BOP1: variants seen among roughly 807,000 people sequenced by gnomAD.
The protein encoded by BOP1 is BOP1 ribosomal biogenesis factor.
BOP1 carries 54 observed loss-of-function variants against 82.9 expected under a neutral mutation model. The observed-to-expected ratio is 0.65, with a 90% CI of 0.52 to 0.82. The LOEUF (loss-of-function observed/expected upper bound fraction) is 0.82. BOP1 is among the 40% of genes least tolerant of loss of function. BOP1 has a pLI of 0.00. For synonymous variants in BOP1, 566 were observed against 451.1 expected (o/e 1.25, Z -3.23); for missense variants, 1,170 against 1,072.0 (o/e 1.09, Z -1.28).
chr8:144,286,935 G>C lies in BOP1; in HGVS notation c.309+2160C>G, dbSNP rs77074959. 6.2e-4 allele frequency among the ~76,000 whole-genome samples: 94 copies of C among 152,360 alleles called. 1 individual carries two copies. The highest frequency in any genetic ancestry group is 2.3e-3 in the East Asian group (12 of 5,184). On this transcript the variant is annotated intron_variant, in intron 2 of 15. Transcript: ENST00000569669. ...GGGGCCAGGAGACAAGCAGCGAGAAGAGAAGATGGCGCCTCCCTAGACTCC... is the reference window on the plus strand; with the variant it reads ...GGGGCCAGGAGACAAGCAGCGAGAACAGAAGATGGCGCCTCCCTAGACTCC...
Position 144,274,558 on chromosome 8 carries a change from G to C in BOP1, c.390+1666C>G, listed in dbSNP as rs1369103897. Among the ~76,000 whole-genome samples the C allele has an allele frequency of 2.6e-5, 4 of 152,248 alleles. No homozygotes were observed. In the East Asian group the frequency reaches 7.7e-4, roughly 29 times the overall value. On this transcript the variant is annotated intron_variant, in intron 3 of 15. Coordinates refer to ENST00000569669, the MANE Select transcript of BOP1 (RefSeq NM_015201.5). ...GGGCCTGGCCTGGCTCCTGAAAGCT[G>C]AGCTCTGCCGCCCCCTCGAGCCACT...
At chr8:144,281,033 A>ATACCAGGTCTTCGGCCTTTTCTCACTTTC (rs1845664992) in intron 2 of BOP1, among the ~76,000 whole-genome samples, 16 of 52,676 alleles carry the variant, frequency 3.0e-4, no homozygotes, top group African/African-American at 1.2e-3. Context: ...CTCTCACTTT[A>ATACCAGGTCTTCGGCCTTTTCTCACTTTC]ATACCAGGTC....
At position 144,262,333 on chromosome 8, in the gene BOP1, G is replaced by C; in HGVS notation, c.2088-16C>G. On this transcript the variant is annotated splice_polypyrimidine_tract_variant and intron_variant, in intron 15 of 15. Coordinates refer to ENST00000569669, the MANE Select transcript of BOP1 (RefSeq NM_015201.5). ...CAGAAGGTCACTGTGGGGACGAGGA[G>C]GGCTCAGGGCACGGCCAGACACCAC... 6.2e-7 allele frequency: 1 copy of C among 1,612,786 alleles called. No homozygotes were observed. Among genetic ancestry groups the C allele is most frequent in the Non-Finnish European group, 8.5e-7 (1 of 1,179,800 alleles).
rs1313731728 is a variant in BOP1 at position 144,264,286 on chromosome 8, G to A, written c.917C>T (p.Ala306Val). Reference protein sequence around the residue: ...HKMHVPAPKLALPGHAESYNP... With the variant: ...HKMHVPAPKLVLPGHAESYNP... ...GTACGACTCGGCGTGGCCTGGCAGG[G>A]CCAGCTTGGGAGCAGGTACGTGCAT... Residue 306 changes from alanine (A) to valine (V), a missense_variant, in exon 7 of 16, where the codon GCC becomes GTC. Coordinates refer to ENST00000569669, the MANE Select transcript of BOP1 (RefSeq NM_015201.5). 6.2e-7 allele frequency: 1 copy of A among 1,610,970 alleles called. No homozygotes were observed. Among genetic ancestry groups the A allele is most frequent in the African/African-American group, 1.3e-5 (1 of 74,892 alleles).
At chr8:144,263,785 A>G in intron 9 of BOP1, 24 bp from the exon 10 acceptor site, 2 of 1,602,552 alleles carry the variant, frequency 1.2e-6, no homozygotes, top group East Asian at 4.5e-5. Flanking sequence ...GGCAGTGAGG[A>G]GTCAGACTGG....
chr8:144,275,565 T>C (rs768460044), intron 3 of BOP1, among the ~76,000 whole-genome samples: 89 of 151,646 alleles, frequency 5.9e-4, no homozygotes, highest in Non-Finnish European at 9.9e-4. Context: ...GCAGCACGCA[T>C]CCCCCTTCGC....
At chr8:144,283,882 C>G (rs1814786490) in intron 2 of BOP1, among the ~76,000 whole-genome samples, 1 of 152,150 alleles carries the variant, frequency 6.6e-6, no homozygotes, top group South Asian at 2.1e-4. Context: ...CTTCAGGAGG[C>G]CAAGACAGGT....
In BOP1 at chr8:144,291,219, G is replaced by A; in HGVS notation, c.99+53C>T. 1 of 1,356,160 alleles carries A rather than the reference G, an allele frequency of 7.4e-7. No individual in the cohort carries two copies. The highest frequency in any genetic ancestry group is 1.6e-5 in the African/African-American group (1 of 64,270). 84.0% of individuals were successfully genotyped at this position (1,356,160 alleles called of 1,614,324 possible). A position where few individuals can be genotyped will look rare whatever the true frequency, so the allele number is the denominator to read the frequency against. On this transcript the variant is annotated intron_variant, in intron 1 of 15. Coordinates refer to ENST00000569669, the MANE Select transcript of BOP1 (RefSeq NM_015201.5). The surrounding 1 kb of genome is among the most constrained non-coding windows in gnomAD (Gnocchi z 4.1). ...CCCACCCGCCCCAGCGCGGCCACGT[G>A]CCCGCCGGGCCCTCTAGGGACGCGC...
intron 2 of BOP1, among the ~76,000 whole-genome samples, chr8:144,276,885 C>A (rs1018786686): frequency 1.3e-5 from 2 of 152,184 alleles, no homozygotes; most frequent in South Asian, 2.1e-4. Flanking sequence ...GAGAGGGCCC[C>A]GAACACTCAG....
chr8:144,264,772 G>A lies in BOP1; in HGVS notation c.605C>T (p.Ala202Val). 2 of 1,605,800 alleles carry A rather than the reference G, an allele frequency of 1.2e-6. No homozygotes were observed. The highest frequency in any genetic ancestry group is 8.5e-7 in the Non-Finnish European group (1 of 1,177,486). Residue 202 changes from alanine (A) to valine (V), a missense_variant, in exon 5 of 16, where the codon GCC (alanine) becomes GTC (valine). Physicochemically the swap from Ala to Val is moderately conservative, Grantham distance 64. Coordinates refer to ENST00000569669, the MANE Select transcript of BOP1 (RefSeq NM_015201.5). ...GCCACTCTGCAGCCGCCGCACCAGGGCCACCTGCTCATCCGTCAGTCTCAG... is the reference window on the plus strand; with the variant it reads ...GCCACTCTGCAGCCGCCGCACCAGGACCACCTGCTCATCCGTCAGTCTCAG... ...RDLRLTDEQV[A>V]LVRRLQSGQF...
chr8:144,264,798 G>A lies in BOP1; in HGVS notation c.579C>T (p.Asp193=), dbSNP rs1327243152. ...RTVQDPMTGR[D]LRLTDEQVAL... ...CCACCTGCTCATCCGTCAGTCTCAG[G>A]TCCCGCCCTGTCATCGGGTCCTGCA... The change falls in exon 5 of 16, where the codon GAC becomes GAT. Residue 193 remains aspartate, a synonymous_variant. Coordinates refer to ENST00000569669, the MANE Select transcript of BOP1 (RefSeq NM_015201.5). The A allele has an allele frequency of 3.7e-6, 6 of 1,609,158 alleles. No homozygotes were observed. In the African/African-American group the frequency reaches 4.0e-5, roughly 11 times the overall value.
At position 144,263,391 on chromosome 8, in the gene BOP1, C is replaced by T. The variant is rs893021110; in HGVS notation, c.1435G>A (p.Val479Met). The change falls in exon 12 of 16, where the codon GTG (valine) becomes ATG (methionine). Residue 479 changes from valine (V) to methionine (M), a missense_variant. Coordinates refer to ENST00000569669, the MANE Select transcript of BOP1 (RefSeq NM_015201.5). ...CLVAAAVEDS[V>M]LLLNPALGDR... Reference sequence around the variant, plus strand: ...CCCAGAGCTGGGTTCAGCAGCAGCACCGAGTCCTCCCTGTGAGCCAGGCCC... The same window carrying T: ...CCCAGAGCTGGGTTCAGCAGCAGCATCGAGTCCTCCCTGTGAGCCAGGCCC... 13 of 1,597,628 alleles carry T rather than the reference C, an allele frequency of 8.1e-6. No homozygotes were observed. The African/African-American group carries it at 1.2e-4, about 15-fold the overall frequency.
In BOP1 at chr8:144,291,413, C is replaced by T. The variant is rs1815072711; in HGVS notation, c.-43G>A. The T allele has an allele frequency of 3.6e-6, 4 of 1,110,106 alleles. No homozygotes were observed. The highest frequency in any genetic ancestry group is 5.0e-5 in the East Asian group (1 of 20,136). 68.8% of individuals were successfully genotyped at this position (1,110,106 alleles called of 1,614,324 possible). A position where few individuals can be genotyped will look rare whatever the true frequency, so the allele number is the denominator to read the frequency against. ...CCGCCACCCGCACAGCCGCTTCCGA[C>T]AGCGACCGGGCCGCGTGCGCAGGAG... is the stretch of plus-strand genomic sequence containing the variant. On this transcript the variant is annotated 5_prime_UTR_variant, in exon 1 of 16. Coordinates refer to ENST00000569669, the MANE Select transcript of BOP1 (RefSeq NM_015201.5). This position sits in a 1 kb window ranked among gnomAD's most constrained non-coding sequence, Gnocchi z 4.1.
Position 144,262,611 on chromosome 8 carries a change from G to A in BOP1, c.1956C>T (p.Ser652=), listed in dbSNP as rs1459666968. 9.3e-6 allele frequency: 15 copies of A among 1,613,298 alleles called. No individual in the cohort carries two copies. The highest frequency in any genetic ancestry group is 6.7e-5 in the Admixed American group (4 of 59,982). ...ACCTCAGCATCCTGTATGGCTTGGTGGAAAGATCCAGGTCAAACCACACCA... is the reference window on the plus strand; with the variant it reads ...ACCTCAGCATCCTGTATGGCTTGGTAGAAAGATCCAGGTCAAACCACACCA... ...SKLVWFDLDL[S]TKPYRMLRHH... is the part of the protein sequence containing the mutation. Residue 652 remains serine (S), a synonymous_variant, in exon 14 of 16, where the codon TCC becomes TCT. Coordinates refer to ENST00000569669, the MANE Select transcript of BOP1 (RefSeq NM_015201.5).
intron 3 of BOP1, chr8:144,268,205 G>A: frequency 3.9e-6 from 6 of 1,546,486 alleles, no homozygotes; most frequent in Non-Finnish European, 5.2e-6. Context: ...CGGGGTGACT[G>A]CAGACAGCCC....
At position 144,264,254 on chromosome 8, in the gene BOP1, G is replaced by A. The variant is rs1215364747; in HGVS notation, c.949C>T (p.Pro317Ser). The part of the protein sequence containing the change: ...LPGHAESYNP[P>S]PEYLLSEEER... Reference sequence around the variant, plus strand: ...TCCTCGCTGAGCAGGTATTCAGGGGGTGGGTTGTACGACTCGGCGTGGCCT... The same window carrying A: ...TCCTCGCTGAGCAGGTATTCAGGGGATGGGTTGTACGACTCGGCGTGGCCT... The change falls in exon 7 of 16, where the codon CCC becomes TCC. Residue 317 changes from proline (P) to serine (S), a missense_variant. Transcript: ENST00000569669. 6 of 1,610,498 alleles carry A rather than the reference G, an allele frequency of 3.7e-6. No individual in the cohort carries two copies. The highest frequency in any genetic ancestry group is 1.7e-5 in the Admixed American group (1 of 59,792).
chr8:144,270,067 A>G (rs1845467135), intron 3 of BOP1, among the ~76,000 whole-genome samples: 1 of 152,148 alleles, frequency 6.6e-6, no homozygotes, highest in African/African-American at 2.4e-5. Flanking sequence ...ATGAACCCCC[A>G]ACCTCAGTGG....
In BOP1 at chr8:144,268,191, C is replaced by T. The variant is rs886830522; in HGVS notation, c.391-3120G>A. On this transcript the variant is annotated intron_variant, in intron 3 of 15. Transcript: ENST00000569669. ...GGCAGACGCTGCTGGGGGAGGTGGA[C>T]GCCCGGGGTGACTGCAGACAGCCCC... The T allele has an allele frequency of 1.4e-4, 216 of 1,548,594 alleles. No individual in the cohort carries two copies. The African/African-American group carries it at 2.6e-3, about 19-fold the overall frequency.
At chr8:144,276,799 T>G (rs921241833) in intron 2 of BOP1, among the ~76,000 whole-genome samples, 1 of 152,078 alleles carries the variant, frequency 6.6e-6, no homozygotes, top group African/African-American at 2.4e-5. Context: ...CCAATGCTCT[T>G]GAAGGGGCGG....
Sources: gnomAD v4.1 joint callset for allele counts (sites outside exome capture counted in the v4.1 genomes callset) on GRCh38, gnomAD v4.1.1 for gene constraint, Gnocchi (gnomAD v3.1) non-coding constraint, MANE v1.5 for transcripts, NCBI Gene and HGNC (gene_info 2026-07-23, HGNC 2026-07-21) for gene names.